MEIS1: variants seen among roughly 807,000 people sequenced by gnomAD.
The protein encoded by MEIS1 is homeobox protein Meis1.
Under a neutral mutation model 50.8 loss-of-function variants are expected in MEIS1, and 5 were observed. The ratio of observed to expected loss-of-function variants is 0.10; its 90% CI spans 0.05 to 0.21. The LOEUF (loss-of-function observed/expected upper bound fraction) is 0.21, where lower values mean the gene tolerates loss of function less well. MEIS1 is among the 10% of genes least tolerant of loss of function. The pLI is 1.00. For missense variants in MEIS1, 318 were observed against 517.3 expected, an observed-to-expected ratio of 0.61 and a Z score of 3.74; for synonymous variants, 176 against 179.3, an observed-to-expected ratio of 0.98 and a Z score of 0.15.
chr2:66,468,683 A>G (rs1480296166), intron 7 of MEIS1, among the ~76,000 whole-genome samples: 1 of 152,188 alleles, frequency 6.6e-6, no homozygotes, highest in African/African-American at 2.4e-5. Flanking sequence ...ATCATTTGAC[A>G]GACATTCTTT....
chr2:66,503,801 A>G (rs1367260826), intron 7 of MEIS1, among the ~76,000 whole-genome samples: 4 of 133,340 alleles, frequency 3.0e-5, no homozygotes, highest in Non-Finnish European at 6.1e-5. Context: ...CTGGAGTGCA[A>G]TGGCGCGATC....
intron 6 of MEIS1, among the ~76,000 whole-genome samples, chr2:66,445,485 G>A (rs368274748): frequency 2.2e-4 from 34 of 152,332 alleles, no homozygotes; most frequent in African/African-American, 8.2e-4. Context: ...CTAGTGCGGC[G>A]TCCTGGGGGC....
rs1391064948 is a variant in MEIS1, at chr2:66,573,522, G to A, written c.*2314G>A. 6.6e-6 allele frequency: 1 copy of A among 152,156 alleles called. No individual in the cohort carries two copies. Among genetic ancestry groups the A allele is most frequent in the Non-Finnish European group, 1.5e-5 (1 of 68,036 alleles). 9.4% of individuals were successfully genotyped at this position (152,156 alleles called of 1,614,324 possible). A position where few individuals can be genotyped will look rare whatever the true frequency, so the allele number is the denominator to read the frequency against. On this transcript the variant is annotated 3_prime_UTR_variant, in exon 13 of 13. Transcript: ENST00000272369. ...CCCTTAGCAATTCTATTTTCTATTC[G>A]AAAAGAGAAACCAGCTGTGGGTTGG...
intron 7 of MEIS1, among the ~76,000 whole-genome samples, chr2:66,483,870 G>A (rs1673076507): frequency 6.6e-6 from 1 of 152,168 alleles, no homozygotes; most frequent in African/African-American, 2.4e-5. Context: ...GCCAAGTTAG[G>A]ATGGGGAATA....
chr2:66,447,246 T>G (rs979568130), intron 6 of MEIS1, among the ~76,000 whole-genome samples: 1 of 152,232 alleles, frequency 6.6e-6, no homozygotes, highest in Admixed American at 6.5e-5. Context: ...ATGGTCCCTT[T>G]GTCAGGTAGT....
chr2:66,550,534 G>A (rs1369397350), intron 9 of MEIS1, among the ~76,000 whole-genome samples: 1 of 151,996 alleles, frequency 6.6e-6, no homozygotes, highest in Non-Finnish European at 1.5e-5. Flanking sequence ...GTCCTGCTCT[G>A]TTGTCCGGGC....
intron 7 of MEIS1, among the ~76,000 whole-genome samples, chr2:66,507,384 C>T (rs1421606879): frequency 6.6e-6 from 1 of 152,210 alleles, no homozygotes; most frequent in Non-Finnish European, 1.5e-5. Context: ...CTTGAAGTCA[C>T]TGTGGCTTCC....
At chr2:66,548,109 T>C in intron 9 of MEIS1, 90 bp downstream of exon 9, 1 of 1,211,594 alleles carries the variant, frequency 8.3e-7, no homozygotes, top group East Asian at 2.4e-5. Flanking sequence ...ACACACCCAG[T>C]TGCCACTGCT....
chr2:66,512,407 CTG>C (rs1318985238), intron 8 of MEIS1, 113 bp downstream of exon 8: 1 of 1,242,268 alleles, frequency 8.0e-7, no homozygotes, highest in Non-Finnish European at 1.1e-6. Flanking sequence ...TAATAAATAA[CTG>C]TGTTCCCACA....
In MEIS1 at chr2:66,529,610, A is replaced by C. The variant is rs979724185; in HGVS notation, c.888+17316A>C. 2.0e-5 allele frequency among the ~76,000 whole-genome samples: 3 copies of C among 152,212 alleles called. No individual in the cohort carries two copies. The East Asian group carries it at 5.8e-4, about 29-fold the overall frequency. On this transcript the variant is annotated intron_variant, in intron 8 of 12. Coordinates refer to ENST00000272369, the MANE Select transcript of MEIS1 (RefSeq NM_002398.3). The stretch of plus-strand genomic sequence containing the variant: ...TGCCACCACACTGGCTAACTTTTTA[A>C]GCTGTTTGAGGCATTTGGAAGAGAA...
chr2:66,534,127 T>A (rs939317967), intron 8 of MEIS1, among the ~76,000 whole-genome samples: 4 of 152,084 alleles, frequency 2.6e-5, no homozygotes, highest in African/African-American at 9.7e-5. Context: ...ATTTTACCAA[T>A]GAGGAAGCAA....
chr2:66,558,953 A>G (rs1016281309), intron 9 of MEIS1, among the ~76,000 whole-genome samples: 1 of 152,020 alleles, frequency 6.6e-6, no homozygotes. Context: ...ACCAGCCTGG[A>G]CAACATGGCG....
intron 2 of MEIS1, chr2:66,439,567 C>G: frequency 6.6e-7 from 1 of 1,523,474 alleles, no homozygotes; most frequent in Admixed American, 2.0e-5. Context: ...GGGTTTTATT[C>G]GTAGCAAATG....
At chr2:66,529,639 G>A (rs1319387220) in intron 8 of MEIS1, among the ~76,000 whole-genome samples, 2 of 152,164 alleles carry the variant, frequency 1.3e-5, no homozygotes, top group African/African-American at 4.8e-5. Context: ...AAGAGAAGAA[G>A]TTGTATTATG....
At chr2:66,529,775 T>C (rs1046875278) in intron 8 of MEIS1, among the ~76,000 whole-genome samples, 2 of 152,228 alleles carry the variant, frequency 1.3e-5, no homozygotes, top group Non-Finnish European at 2.9e-5. Context: ...GGCATGGTTT[T>C]TCTTTTCTTT....
chr2:66,566,820 A>AC (rs1379328100), intron 9 of MEIS1, among the ~76,000 whole-genome samples: 6 of 150,784 alleles, frequency 4.0e-5, no homozygotes, highest in Admixed American at 1.3e-4. Flanking sequence ...CAAAAAAAAA[A>AC]AAAACAACAA....
At position 66,476,625 on chromosome 2, in the gene MEIS1, C is replaced by T. The variant is rs148698318; in HGVS notation, c.742+12405C>T. On this transcript the variant is annotated intron_variant, in intron 7 of 12. Coordinates refer to ENST00000272369, the MANE Select transcript of MEIS1 (RefSeq NM_002398.3). ...AAGTAGAGGAATGGTACCTAACAAA[C>T]TGGCACAGGGGCAGCACCTGCCTGG... is the stretch of plus-strand genomic sequence containing the variant. Among the ~76,000 whole-genome samples, 96 of 152,282 alleles carry T rather than the reference C, an allele frequency of 6.3e-4. 1 individual carries two copies. In the East Asian group the frequency reaches 0.018, roughly 28 times the overall value.
At chr2:66,540,247 A>G (rs1674619063) in intron 8 of MEIS1, among the ~76,000 whole-genome samples, 1 of 152,206 alleles carries the variant, frequency 6.6e-6, no homozygotes, top group South Asian at 2.1e-4. Flanking sequence ...AATGATTCAA[A>G]AATGACACTT....
intron 3 of MEIS1, chr2:66,440,306 G>A: frequency 6.7e-6 from 4 of 595,070 alleles, no homozygotes; most frequent in Non-Finnish European, 1.2e-5. Flanking sequence ...GGACTCGGCG[G>A]TCTGAGCAGC....
Sources: allele counts gnomAD v4.1 joint callset (sites outside exome capture counted in the v4.1 genomes callset), GRCh38; gene constraint gnomAD v4.1.1; transcripts MANE v1.5; gene names NCBI Gene and HGNC (gene_info 2026-07-23, HGNC 2026-07-21).